VWA8: variants seen among roughly 807,000 people sequenced by gnomAD.
VWA8 encodes the protein von Willebrand factor A domain containing 8, also known as von Willebrand factor A domain-containing protein 8.
A neutral mutation model predicts 241.5 loss-of-function variants in VWA8; 221 were observed. That is an observed-to-expected ratio of 0.91 (90% CI 0.82 to 1.02). The LOEUF (loss-of-function observed/expected upper bound fraction) is 1.02. Ranked by LOEUF, VWA8 falls within the 50% of genes least tolerant of loss-of-function variation. The probability of loss-of-function intolerance (pLI) is 0.00; values close to 1 mark genes in which losing one functional copy is unlikely to be tolerated. For synonymous variants in VWA8, 852 were observed against 827.1 expected (o/e 1.03, Z -0.52); for missense variants, 2,322 against 2,328.7 (o/e 1.00, Z 0.06).
At chr13:41,775,162 C>T (rs1057488963) in intron 20 of VWA8, among the ~76,000 whole-genome samples, 1 of 152,186 alleles carries the variant, frequency 6.6e-6, no homozygotes, top group Non-Finnish European at 1.5e-5. Context: ...CATCAAATGA[C>T]AGTCTAAGAG....
intron 40 of VWA8, among the ~76,000 whole-genome samples, chr13:41,596,690 T>C (rs2044490331): frequency 6.6e-6 from 1 of 151,878 alleles, no homozygotes; most frequent in Non-Finnish European, 1.5e-5. Flanking sequence ...ATAATTTTAT[T>C]ACTTTCACAC....
intron 35 of VWA8, among the ~76,000 whole-genome samples, chr13:41,682,255 A>G (rs2045105828): frequency 6.6e-6 from 1 of 152,164 alleles, no homozygotes; most frequent in African/African-American, 2.4e-5. Flanking sequence ...GTCTAAAGGC[A>G]GTGCAAAAGA....
At chr13:41,905,420 T>C (rs1875661691) in intron 4 of VWA8, among the ~76,000 whole-genome samples, 1 of 152,074 alleles carries the variant, frequency 6.6e-6, no homozygotes, top group Non-Finnish European at 1.5e-5. Flanking sequence ...TCTTTAAAAA[T>C]TCCCTGGTAA....
intron 3 of VWA8, among the ~76,000 whole-genome samples, chr13:41,908,636 C>CA (rs935940842): frequency 6.6e-6 from 1 of 151,706 alleles, no homozygotes; most frequent in Non-Finnish European, 1.5e-5. Flanking sequence ...AGAAAGAGGA[C>CA]AAAAAAATAA....
intron 17 of VWA8, among the ~76,000 whole-genome samples, chr13:41,793,745 G>T (rs553722860): frequency 2.0e-5 from 3 of 152,332 alleles, no homozygotes; most frequent in African/African-American, 4.8e-5. Context: ...GAACCTGAGA[G>T]GTGGAGGTTG....
intron 21 of VWA8, among the ~76,000 whole-genome samples, chr13:41,746,939 C>T (rs1342663228): frequency 6.6e-6 from 1 of 152,126 alleles, no homozygotes; most frequent in Non-Finnish European, 1.5e-5. Context: ...TGCAGTACTA[C>T]CCTCACTAAA....
chr13:41,817,546 T>A (rs1056765291), intron 15 of VWA8, among the ~76,000 whole-genome samples: 1 of 152,196 alleles, frequency 6.6e-6, no homozygotes, highest in Admixed American at 6.5e-5. Context: ...GTAATTAGAA[T>A]TTTTTTAAAT....
intron 42 of VWA8, among the ~76,000 whole-genome samples, chr13:41,581,555 G>A (rs1405161807): frequency 6.6e-6 from 1 of 152,130 alleles, no homozygotes; most frequent in Non-Finnish European, 1.5e-5. Context: ...GGGGATGGAG[G>A]GCAATGGGGC....
intron 21 of VWA8, among the ~76,000 whole-genome samples, chr13:41,740,358 T>C (rs1843637523): frequency 6.6e-6 from 1 of 152,226 alleles, no homozygotes; most frequent in South Asian, 2.1e-4. Flanking sequence ...AGCTATTCCA[T>C]AATATACCTA....
intron 21 of VWA8, among the ~76,000 whole-genome samples, chr13:41,760,363 C>G (rs893099348): frequency 6.6e-6 from 1 of 151,788 alleles, no homozygotes; most frequent in Non-Finnish European, 1.5e-5. Flanking sequence ...TCTTATAATT[C>G]TCTCTCAAGA....
intron 19 of VWA8, among the ~76,000 whole-genome samples, chr13:41,778,705 T>TTC (rs1401303288): frequency 6.6e-6 from 1 of 152,116 alleles, no homozygotes. Flanking sequence ...TCCTATTACT[T>TTC]TCTCTTGGTT....
At chr13:41,719,794 T>A in intron 25 of VWA8, 52 bp from the exon 26 acceptor site, 1 of 1,494,338 alleles carries the variant, frequency 6.7e-7, no homozygotes, top group Non-Finnish European at 9.1e-7. Context: ...TATACAACAT[T>A]ATAAAGATTT....
At chr13:41,899,701 A>G (rs1875327764) in intron 4 of VWA8, among the ~76,000 whole-genome samples, 1 of 152,236 alleles carries the variant, frequency 6.6e-6, no homozygotes, top group South Asian at 2.1e-4. Flanking sequence ...ACATTTGTAA[A>G]GAATAAATTT....
intron 4 of VWA8, among the ~76,000 whole-genome samples, chr13:41,900,652 T>A (rs1247956029): frequency 6.6e-6 from 1 of 152,172 alleles, no homozygotes; most frequent in African/African-American, 2.4e-5. Context: ...TCAAGGGGTA[T>A]TATACAGTGT....
intron 3 of VWA8, 118 bp from the exon 4 acceptor site, chr13:41,907,814 T>G: frequency 1.2e-6 from 1 of 807,070 alleles, no homozygotes; most frequent in Non-Finnish European, 2.0e-6. Flanking sequence ...AACCTAATTT[T>G]GGGTTGAAAC....
chr13:41,751,861 C>T (rs534189878), intron 21 of VWA8, among the ~76,000 whole-genome samples: 2 of 152,246 alleles, frequency 1.3e-5, no homozygotes, highest in East Asian at 1.9e-4. Context: ...CTAAAACAAG[C>T]GTCAGTGCTC....
chr13:41,663,105 T>G (rs1187229421), intron 37 of VWA8, among the ~76,000 whole-genome samples: 3 of 152,192 alleles, frequency 2.0e-5, no homozygotes, highest in African/African-American at 7.2e-5. Context: ...CTGTCCAGGT[T>G]TTATAGCTGC....
At chr13:41,954,895 G>A (rs1264838526) in intron 1 of VWA8, among the ~76,000 whole-genome samples, 1 of 151,748 alleles carries the variant, frequency 6.6e-6, no homozygotes, top group African/African-American at 2.4e-5. Context: ...ATGTTCAAAG[G>A]GATACATATT....
chr13:41,941,834 C>A lies in VWA8; in HGVS notation c.241+8102G>T, dbSNP rs79858122. 7.3e-3 allele frequency among the ~76,000 whole-genome samples: 1,113 copies of A among 152,254 alleles called. 16 individuals carry two copies. Among genetic ancestry groups the A allele is most frequent in the African/African-American group, 0.026 (1,065 of 41,548 alleles). ...AATCACCCCTATACAGTCAAGGAGG[C>A]TCAGAGCAGTGAAATAACCTGCAGA... is the stretch of plus-strand genomic sequence containing the variant. On this transcript the variant is annotated intron_variant, in intron 2 of 44. Coordinates refer to ENST00000379310, the MANE Select transcript of VWA8 (RefSeq NM_015058.2).
Sources: allele counts gnomAD v4.1 joint callset (sites outside exome capture counted in the v4.1 genomes callset), GRCh38; gene constraint gnomAD v4.1.1; transcripts MANE v1.5; gene names NCBI Gene and HGNC (gene_info 2026-07-23, HGNC 2026-07-21).